The following VAPA variants were observed in gnomAD, a reference collection of about 807,000 sequenced individuals.
VAPA encodes VAMP associated protein A.
A neutral mutation model predicts 25.6 loss-of-function variants in VAPA; 6 were observed. The ratio of observed to expected loss-of-function variants is 0.23; its 90% CI spans 0.13 to 0.46. VAPA has a LOEUF of 0.46. VAPA is among the 20% of genes least tolerant of loss of function. The pLI, the probability that VAPA is intolerant of heterozygous loss-of-function variation, is 0.99. For synonymous variants in VAPA, 112 were observed against 106.2 expected (o/e 1.05, Z -0.34); for missense variants, 244 against 302.1 (o/e 0.81, Z 1.43).
intron 1 of VAPA, among the ~76,000 whole-genome samples, chr18:9,915,382 G>C (rs1231581): frequency 0.34 from 52,415 of 151,978 alleles, 9,518 homozygotes; most frequent in Middle Eastern, 0.44. Context: ...GCTTTTGGTC[G>C]GTTTCCTTGT....
At chr18:9,948,408 TAA>T (rs1335250256) in intron 4 of VAPA, 1 of 152,184 alleles carries the variant, frequency 6.6e-6, no homozygotes, top group Non-Finnish European at 1.5e-5. Flanking sequence ...AATAGTAATA[TAA>T]ATAATAGTTT....
chr18:9,936,839 C>CA (rs1393539362), intron 3 of VAPA, 147 bp from the exon 4 acceptor site: 8 of 597,170 alleles, frequency 1.3e-5, no homozygotes, highest in Non-Finnish European at 2.4e-5. Context: ...TAGCCGATAA[C>CA]AATGGCAGGG....
chr18:9,956,996 G>A lies in VAPA; in HGVS notation c.*2785G>A, dbSNP rs1312127298. 2.0e-5 allele frequency: 3 copies of A among 151,966 alleles called. No homozygotes were observed. Among genetic ancestry groups the A allele is most frequent in the Non-Finnish European group, 4.4e-5 (3 of 67,994 alleles). 9.4% of individuals were successfully genotyped at this position (151,966 alleles called of 1,614,324 possible). ...AAAAAATGACACTTGGAAGAAAAATGTATGAAATTCAGAAATTCCGATCAA... is the reference window on the plus strand; with the variant it reads ...AAAAAATGACACTTGGAAGAAAAATATATGAAATTCAGAAATTCCGATCAA... On this transcript the variant is annotated 3_prime_UTR_variant, in exon 6 of 6. Coordinates refer to ENST00000400000, the MANE Select transcript of VAPA (RefSeq NM_194434.3).
At chr18:9,934,258 T>A (rs1193843881) in intron 2 of VAPA, among the ~76,000 whole-genome samples, 1 of 145,138 alleles carries the variant, frequency 6.9e-6, no homozygotes, top group African/African-American at 2.5e-5. Flanking sequence ...TGCTTCAATT[T>A]GTGCACATTT....
intron 1 of VAPA, among the ~76,000 whole-genome samples, chr18:9,922,418 A>G (rs1469499014): frequency 6.6e-6 from 1 of 152,218 alleles, no homozygotes; most frequent in East Asian, 1.9e-4. Flanking sequence ...TAATTCTTTG[A>G]TATCCTCTAA....
At chr18:9,914,444 C>T (rs2069092646) in intron 1 of VAPA, 109 bp downstream of exon 1, 23 of 935,152 alleles carry the variant, frequency 2.5e-5, no homozygotes, top group Non-Finnish European at 3.1e-5. Context: ...GGAGCGCCCC[C>T]TCCCCCACGC....
rs2069088441 is a variant in VAPA at position 9,914,183 on chromosome 18, C to G, written c.-74C>G. ...TCGTCCTAGAGCTCGGCCGAGCCGT[C>G]GCCGCCGTCGTCCCCCGCCCCCAGT... On this transcript the variant is annotated 5_prime_UTR_variant, in exon 1 of 6. Coordinates refer to ENST00000400000, the MANE Select transcript of VAPA (RefSeq NM_194434.3). 7.2e-7 allele frequency: 1 copy of G among 1,379,768 alleles called. No homozygotes were observed. Among genetic ancestry groups the G allele is most frequent in the East Asian group, 2.9e-5 (1 of 34,106 alleles). 85.5% of individuals were successfully genotyped at this position (1,379,768 alleles called of 1,614,324 possible).
intron 5 of VAPA, among the ~76,000 whole-genome samples, chr18:9,953,122 C>T (rs2069507372): frequency 1.3e-5 from 2 of 152,200 alleles, no homozygotes; most frequent in African/African-American, 4.8e-5. Flanking sequence ...TCACATTGCA[C>T]ACAGTGTCAT....
chr18:9,914,206 A>G lies in VAPA; in HGVS notation c.-51A>G. On this transcript the variant is annotated 5_prime_UTR_variant, in exon 1 of 6. Transcript: ENST00000400000. ...GTCGCCGCCGTCGTCCCCCGCCCCC[A>G]GTCAGCAAACCGCCGCCGCGGGCGC... 6.6e-7 allele frequency: 1 copy of G among 1,514,080 alleles called. No homozygotes were observed. The highest frequency in any genetic ancestry group is 1.2e-5 in the South Asian group (1 of 83,520). 93.8% of individuals were successfully genotyped at this position (1,514,080 alleles called of 1,614,324 possible). A position where few individuals can be genotyped will look rare whatever the true frequency, so the allele number is the denominator to read the frequency against.
rs1350321697 is a variant in VAPA at position 9,957,925 on chromosome 18, C to T, written c.*3714C>T. 6.6e-6 allele frequency: 1 copy of T among 152,196 alleles called. No individual in the cohort carries two copies. Among genetic ancestry groups the T allele is most frequent in the East Asian group, 1.9e-4 (1 of 5,198 alleles). The allele number at this position is 152,196 out of a possible 1,614,324, so 9.4% of individuals were successfully genotyped here. A position where few individuals can be genotyped will look rare whatever the true frequency, so the allele number is the denominator to read the frequency against. On this transcript the variant is annotated 3_prime_UTR_variant, in exon 6 of 6. Coordinates refer to ENST00000400000, the MANE Select transcript of VAPA (RefSeq NM_194434.3). ...TTGGTAGACTACCACCACGCTTCTT[C>T]GCGTAAGCAGTGGCATCTTGGGAAT...
chr18:9,952,812 A>G (rs1185515091), intron 5 of VAPA, among the ~76,000 whole-genome samples: 3 of 152,194 alleles, frequency 2.0e-5, no homozygotes, highest in East Asian at 1.9e-4. Flanking sequence ...AGGAGTATTA[A>G]AAGTTCTGTA....
In VAPA at chr18:9,956,570, G is replaced by A. The variant is rs371830050; in HGVS notation, c.*2359G>A. 1.1e-4 allele frequency: 17 copies of A among 152,622 alleles called. No homozygotes were observed. The highest frequency in any genetic ancestry group is 4.1e-4 in the African/African-American group (17 of 41,446). 9.5% of individuals were successfully genotyped at this position (152,622 alleles called of 1,614,324 possible). ...GGCTTAACTGTTGTTCATATCAGGA[G>A]ATGCTCTGATTGTATAGGTGAGACT... On this transcript the variant is annotated 3_prime_UTR_variant, in exon 6 of 6. Transcript: ENST00000400000.
chr18:9,954,403 G>T lies in VAPA; in HGVS notation c.*192G>T, dbSNP rs142741295. 1.5e-3 allele frequency: 848 copies of T among 553,402 alleles called. 1 individual carries two copies. Among genetic ancestry groups the T allele is most frequent in the Non-Finnish European group, 2.4e-3 (760 of 317,376 alleles). 34.3% of individuals were successfully genotyped at this position (553,402 alleles called of 1,614,324 possible). The stretch of plus-strand genomic sequence containing the variant: ...ATAAAAACAAACTGTTCGGCTACTG[G>T]ACAGGTTGTATATTACCAGATCATC... On this transcript the variant is annotated 3_prime_UTR_variant, in exon 6 of 6. Coordinates refer to ENST00000400000, the MANE Select transcript of VAPA (RefSeq NM_194434.3).
chr18:9,940,000 C>G (rs1484690734), intron 4 of VAPA, among the ~76,000 whole-genome samples: 2 of 152,172 alleles, frequency 1.3e-5, no homozygotes, highest in East Asian at 3.8e-4. Context: ...GAAACTTGTG[C>G]TTATGTAATA....
In VAPA at chr18:9,914,093, C is replaced by T. The variant is rs892232084; in HGVS notation, c.-164C>T. The T allele has an allele frequency of 1.7e-4, 96 of 548,708 alleles. No homozygotes were observed. The highest frequency in any genetic ancestry group is 1.5e-3 in the African/African-American group (73 of 49,262). 34.0% of individuals were successfully genotyped at this position (548,708 alleles called of 1,614,324 possible). On this transcript the variant is annotated 5_prime_UTR_variant, in exon 1 of 6. Coordinates refer to ENST00000400000, the MANE Select transcript of VAPA (RefSeq NM_194434.3). ...GTGGGACCCGGAGCTGCTGACCCAG[C>T]GGGTGGCCCACCGAACCGGTGACAC...
intron 2 of VAPA, 66 bp downstream of exon 2, chr18:9,932,028 T>A: frequency 8.2e-7 from 1 of 1,222,744 alleles, no homozygotes; most frequent in Non-Finnish European, 1.2e-6. Flanking sequence ...TGTTTTTGTT[T>A]AATAAGGTTT....
At chr18:9,915,435 A>ATT (rs1021557804) in intron 1 of VAPA, among the ~76,000 whole-genome samples, 2 of 152,074 alleles carry the variant, frequency 1.3e-5, no homozygotes, top group African/African-American at 4.8e-5. Context: ...AAATGTACAG[A>ATT]TTTTTATTTT....
At chr18:9,945,058 G>T (rs769837907) in intron 4 of VAPA, 9 of 1,613,618 alleles carry the variant, frequency 5.6e-6, no homozygotes, top group Non-Finnish European at 7.6e-6. Context: ...AGAAACAGAA[G>T]GTTTGTTATA....
rs2069360560 is a variant in VAPA, at chr18:9,940,889, ACTATTTAGG to A, written c.417+3826_417+3834del. 2.0e-5 allele frequency among the ~76,000 whole-genome samples: 3 copies of A among 152,184 alleles called. No individual in the cohort carries two copies. In the South Asian group the frequency reaches 6.2e-4, roughly 32 times the overall value. Reference sequence around the variant, plus strand: ...TCAAACTTGCAAAAATTGTGTCTATACTATTTAGGCTGGAAGTGGCCTTAATTGATTAAT... The same window carrying A: ...TCAAACTTGCAAAAATTGTGTCTATACTGGAAGTGGCCTTAATTGATTAAT... On this transcript the variant is annotated intron_variant, in intron 4 of 5. Transcript: ENST00000400000.
Sources: allele counts gnomAD v4.1 joint callset (sites outside exome capture counted in the v4.1 genomes callset), GRCh38; gene constraint gnomAD v4.1.1; transcripts MANE v1.5; gene names NCBI Gene and HGNC (gene_info 2026-07-23, HGNC 2026-07-21).